The following ELP6 variants were observed in gnomAD, a reference collection of about 807,000 sequenced individuals.
ELP6 encodes elongator acetyltransferase complex subunit 6, also known as elongator complex protein 6.
Under a neutral mutation model 28.1 loss-of-function variants are expected in ELP6, and 23 were observed. The observed-to-expected ratio is 0.82, with a 90% CI of 0.59 to 1.16. ELP6 has a LOEUF of 1.16. Ranked by LOEUF, ELP6 falls within the 50% of genes most tolerant of loss-of-function variation. The probability of loss-of-function intolerance (pLI) is 0.00; values close to 1 mark genes in which losing one functional copy is unlikely to be tolerated. For synonymous variants in ELP6, 132 were observed against 135.8 expected, an observed-to-expected ratio of 0.97 and a Z score of 0.19; for missense variants, 313 against 334.6, an observed-to-expected ratio of 0.94 and a Z score of 0.50.
chr3:47,510,448 A>G (rs1291681690), intron 2 of ELP6, among the ~76,000 whole-genome samples, 194 bp from the exon 3 acceptor site: 1 of 152,054 alleles, frequency 6.6e-6, no homozygotes, highest in East Asian at 1.9e-4. Context: ...TGGTTCTAAG[A>G]TATACTTCTG....
At chr3:47,510,835 C>T (rs1046248130) in intron 2 of ELP6, among the ~76,000 whole-genome samples, 11 of 152,020 alleles carry the variant, frequency 7.2e-5, no homozygotes, top group South Asian at 4.2e-4. Flanking sequence ...CCAGAGACCT[C>T]GAGATACACA....
intron 1 of ELP6, 93 bp downstream of exon 1, chr3:47,513,444 G>A: frequency 6.5e-7 from 1 of 1,549,066 alleles, no homozygotes; most frequent in Non-Finnish European, 8.7e-7. Context: ...GGGTCGTCGC[G>A]CCATTCCCCG....
intron 4 of ELP6, chr3:47,504,095 G>A: frequency 2.1e-6 from 1 of 475,026 alleles, no homozygotes; most frequent in African/African-American, 2.0e-5. Flanking sequence ...AAAGCATATA[G>A]TTCTGCCATC....
At chr3:47,506,949 T>G (rs538150899) in intron 3 of ELP6, among the ~76,000 whole-genome samples, 47 of 152,280 alleles carry the variant, frequency 3.1e-4, no homozygotes, top group African/African-American at 1.1e-3. Context: ...GCAACATGCC[T>G]CGGCCTCCAA....
chr3:47,505,551 TGCA>T (rs1708808029), intron 3 of ELP6, among the ~76,000 whole-genome samples: 1 of 152,050 alleles, frequency 6.6e-6, no homozygotes, highest in Non-Finnish European at 1.5e-5. Flanking sequence ...ATTACAGGTA[TGCA>T]CCACCAGGCT....
intron 1 of ELP6, 83 bp downstream of exon 1, chr3:47,513,454 G>A (rs1170958694): frequency 2.5e-6 from 4 of 1,568,858 alleles, no homozygotes; most frequent in African/African-American, 1.4e-5. Context: ...GCCATTCCCC[G>A]GGGTCGTGCG....
intron 3 of ELP6, chr3:47,504,685 G>A (rs974753908): frequency 1.0e-6 from 1 of 980,152 alleles, no homozygotes; most frequent in Non-Finnish European, 1.2e-6. Context: ...GCCAGGCATG[G>A]TGGCACATGC....
intron 4 of ELP6, chr3:47,502,318 G>T: frequency 1.4e-6 from 1 of 712,386 alleles, no homozygotes; most frequent in Non-Finnish European, 1.7e-6. Flanking sequence ...GCTGAGGCAG[G>T]AGAATTGCTT....
At chr3:47,501,967 G>T in intron 4 of ELP6, 116 bp from the exon 5 acceptor site, 1 of 956,666 alleles carries the variant, frequency 1.0e-6, no homozygotes, top group South Asian at 1.7e-5. Flanking sequence ...CACAATTCTT[G>T]GCAACAAAGA....
At chr3:47,503,742 T>C (rs1469307384) in intron 4 of ELP6, among the ~76,000 whole-genome samples, 2 of 151,712 alleles carry the variant, frequency 1.3e-5, no homozygotes, top group African/African-American at 2.4e-5. Flanking sequence ...TACAAAAAAT[T>C]AGCCGGGCAT....
chr3:47,511,435 A>G (rs1709014491), intron 1 of ELP6: 1 of 1,373,802 alleles, frequency 7.3e-7, no homozygotes, highest in Non-Finnish European at 9.4e-7. Flanking sequence ...ATTGTTACTC[A>G]TGATAGGCAA....
chr3:47,511,332 A>G, intron 1 of ELP6, 106 bp from the exon 2 acceptor site: 1 of 1,461,822 alleles, frequency 6.8e-7, no homozygotes, highest in Non-Finnish European at 9.2e-7. Flanking sequence ...CCACCTGAAG[A>G]GTTTATTTTT....
At chr3:47,497,245 TCA>T in intron 6 of ELP6, 1 of 985,408 alleles carries the variant, frequency 1.0e-6, no homozygotes, top group Non-Finnish European at 1.2e-6. Flanking sequence ...GGCAGGACTC[TCA>T]GTTTCTGCCC....
chr3:47,505,520 TC>T (rs2108107300), intron 3 of ELP6, among the ~76,000 whole-genome samples: 1 of 152,240 alleles, frequency 6.6e-6, no homozygotes, highest in South Asian at 2.1e-4. Flanking sequence ...TTCTTGTGCC[TC>T]AACCTCTTGA....
chr3:47,504,486 A>T, intron 3 of ELP6, 38 bp from the exon 4 acceptor site: 1 of 1,560,036 alleles, frequency 6.4e-7, no homozygotes, highest in Non-Finnish European at 8.7e-7. Context: ...TATGCCTTGT[A>T]GGGGAACCCA....
intron 4 of ELP6, among the ~76,000 whole-genome samples, chr3:47,502,102 AGCGC>A (rs1708679458): frequency 2.0e-5 from 3 of 152,114 alleles, no homozygotes; most frequent in Non-Finnish European, 4.4e-5. Flanking sequence ...AACAGCTCCT[AGCGC>A]CCTTAAGAGA....
rs527256150 is a variant in ELP6, at chr3:47,499,684, A to T, written c.526-1252T>A. 2.5e-3 allele frequency: 2,230 copies of T among 903,306 alleles called. 5 individuals carry two copies. Among genetic ancestry groups the T allele is most frequent in the Non-Finnish European group, 2.8e-3 (2,123 of 771,726 alleles). The allele number at this position is 903,306 out of a possible 1,614,324, so 56.0% of individuals were successfully genotyped here. On this transcript the variant is annotated intron_variant, in intron 5 of 6. Transcript: ENST00000296149. ...CTCTAGCCTGGGCAACAAGAGCAAAACTCCGTCTCAAAAAAAAAAAAAAAA... is the reference window on the plus strand; with the variant it reads ...CTCTAGCCTGGGCAACAAGAGCAAATCTCCGTCTCAAAAAAAAAAAAAAAA...
At position 47,503,236 on chromosome 3, in the gene ELP6, C is replaced by T. The variant is rs1346306044; in HGVS notation, c.323+1094G>A. ...AGGGTCAGGAAACATGGCCTCACACCCACTGCATAAGGGTGTGTGTGTCTG... is the reference window on the plus strand; with the variant it reads ...AGGGTCAGGAAACATGGCCTCACACTCACTGCATAAGGGTGTGTGTGTCTG... On this transcript the variant is annotated intron_variant, in intron 4 of 6. Transcript: ENST00000296149. The T allele has an allele frequency of 7.5e-6, 9 of 1,200,766 alleles. 1 individual carries two copies. In the South Asian group the frequency reaches 1.4e-4, roughly 18 times the overall value. 74.4% of individuals were successfully genotyped at this position (1,200,766 alleles called of 1,614,324 possible).
At chr3:47,509,214 G>A (rs185656667) in intron 3 of ELP6, among the ~76,000 whole-genome samples, 169 of 151,642 alleles carry the variant, frequency 1.1e-3, no homozygotes, top group Admixed American at 2.2e-3. Flanking sequence ...TGCCCACCTC[G>A]GCCTCCCAAA....
Sources: allele counts gnomAD v4.1 joint callset (sites outside exome capture counted in the v4.1 genomes callset), GRCh38; gene constraint gnomAD v4.1.1; transcripts MANE v1.5; gene names NCBI Gene and HGNC (gene_info 2026-07-23, HGNC 2026-07-21).